Variants in FRMD3 observed in about 807,000 individuals in gnomAD.
FRMD3 encodes FERM domain-containing protein 3.
A neutral mutation model predicts 70.2 loss-of-function variants in FRMD3; 33 were observed. The ratio of observed to expected loss-of-function variants is 0.47; its 90% CI spans 0.36 to 0.63. The LOEUF (loss-of-function observed/expected upper bound fraction) is 0.63, where lower values mean the gene tolerates loss of function less well. Ranked by LOEUF, FRMD3 falls within the 20% of genes least tolerant of loss-of-function variation. FRMD3 has a pLI of 0.00. For synonymous variants in FRMD3, 279 were observed against 255.9 expected (o/e 1.09, Z -0.86); for missense variants, 632 against 711.4 (o/e 0.89, Z 1.27).
intron 3 of FRMD3, among the ~76,000 whole-genome samples, chr9:83,355,102 A>T (rs1564031169): frequency 6.6e-6 from 1 of 152,128 alleles, no homozygotes; most frequent in Non-Finnish European, 1.5e-5. Context: ...TCCCTGGGAC[A>T]TGTCCAAGGT....
chr9:83,363,843 T>C (rs74543647), intron 3 of FRMD3, among the ~76,000 whole-genome samples: 14,601 of 152,200 alleles, frequency 0.096, 743 homozygotes, highest in East Asian at 0.17. Context: ...CGTGAGTCAC[T>C]GCGCCCGGCT....
At chr9:83,402,475 C>A (rs911073406) in intron 1 of FRMD3, among the ~76,000 whole-genome samples, 5 of 151,660 alleles carry the variant, frequency 3.3e-5, no homozygotes, top group African/African-American at 1.2e-4. Flanking sequence ...GCAGCCTAAC[C>A]AAGAGTGGAT....
chr9:83,401,641 CTT>C (rs901031998), intron 1 of FRMD3, among the ~76,000 whole-genome samples: 2 of 152,162 alleles, frequency 1.3e-5, no homozygotes, highest in African/African-American at 4.8e-5. Context: ...CTCCTAATCT[CTT>C]TGAGATGTGA....
At chr9:83,401,058 ACAAG>A (rs1316144787) in intron 1 of FRMD3, among the ~76,000 whole-genome samples, 1 of 152,182 alleles carries the variant, frequency 6.6e-6, no homozygotes. Context: ...TTCCTAATTA[ACAAG>A]CATTCACTTA....
At chr9:83,407,864 T>TC (rs1826159775) in intron 1 of FRMD3, among the ~76,000 whole-genome samples, 2 of 124,688 alleles carry the variant, frequency 1.6e-5, no homozygotes, top group African/African-American at 8.6e-5. Flanking sequence ...TCTCTCTCTC[T>TC]CTCTCTCTCA....
chr9:83,274,472 AGAG>A (rs1299358765), intron 13 of FRMD3, among the ~76,000 whole-genome samples: 1 of 152,256 alleles, frequency 6.6e-6, no homozygotes, highest in East Asian at 1.9e-4. Flanking sequence ...AATATGTCAT[AGAG>A]GAGGAGCCAC....
At chr9:83,499,959 G>A (rs1040225390) in intron 1 of FRMD3, among the ~76,000 whole-genome samples, 1 of 152,146 alleles carries the variant, frequency 6.6e-6, no homozygotes, top group Non-Finnish European at 1.5e-5. Context: ...AGACCTGGAG[G>A]AACCTTAAAT....
intron 1 of FRMD3, among the ~76,000 whole-genome samples, chr9:83,529,496 G>A (rs1829751429): frequency 6.6e-6 from 1 of 152,168 alleles, no homozygotes. Flanking sequence ...TGCAAACTAT[G>A]TATCAATTTT....
intron 1 of FRMD3, among the ~76,000 whole-genome samples, chr9:83,406,750 C>T (rs1014826435): frequency 6.6e-6 from 1 of 152,192 alleles, no homozygotes; most frequent in Admixed American, 6.5e-5. Context: ...TAGCCAGCAT[C>T]GGTGAGGACA....
At chr9:83,576,687 T>C in the FRMD3 span, among the ~76,000 whole-genome samples, 2 of 152,106 alleles carry the variant, frequency 1.3e-5, no homozygotes, top group African/African-American at 4.8e-5. Context: ...CCATGATCAA[T>C]AATAAGATAA....
intron 1 of FRMD3, among the ~76,000 whole-genome samples, chr9:83,393,034 A>G (rs900099864): frequency 1.3e-5 from 2 of 152,258 alleles, no homozygotes; most frequent in Non-Finnish European, 2.9e-5. Context: ...ATGCGTGAGC[A>G]GGGTCTAATA....
At chr9:83,378,459 T>A (rs1485786168) in intron 2 of FRMD3, among the ~76,000 whole-genome samples, 1 of 91,248 alleles carries the variant, frequency 1.1e-5, no homozygotes, top group African/African-American at 3.7e-5. Flanking sequence ...TATATATATA[T>A]AATATACATA....
At chr9:83,534,621 G>A (rs1829853989) in intron 1 of FRMD3, among the ~76,000 whole-genome samples, 1 of 152,174 alleles carries the variant, frequency 6.6e-6, no homozygotes, top group South Asian at 2.1e-4. Context: ...TTCTCCCTTA[G>A]TTTCTGGCTT....
intron 3 of FRMD3, among the ~76,000 whole-genome samples, chr9:83,369,468 C>A (rs1483061900): frequency 6.6e-6 from 1 of 151,752 alleles, no homozygotes; most frequent in Non-Finnish European, 1.5e-5. Context: ...CCCAGCTACT[C>A]AGGGAGGCTG....
rs1832197368 is a variant in FRMD3, at chr9:83,248,035, T to C, written c.1677A>G (p.Leu559=). ...LLESGIDLSF[L]CEIRQTPEFE... ...ACTCTGGTGTCTGGCGGATTTCGCATAAGAAGGAGAGATCAATACCTGACT... is the reference window on the plus strand; with the variant it reads ...ACTCTGGTGTCTGGCGGATTTCGCACAAGAAGGAGAGATCAATACCTGACT... The change falls in exon 14 of 14, where the codon TTA becomes TTG. Residue 559 remains leucine (L), a synonymous_variant. Coordinates refer to ENST00000304195, the MANE Select transcript of FRMD3 (RefSeq NM_174938.6). 1.9e-6 allele frequency: 3 copies of C among 1,613,948 alleles called. No individual in the cohort carries two copies. The highest frequency in any genetic ancestry group is 1.3e-5 in the African/African-American group (1 of 74,866).
At chr9:83,341,570 T>C (rs1823758862) in intron 5 of FRMD3, among the ~76,000 whole-genome samples, 1 of 152,040 alleles carries the variant, frequency 6.6e-6, no homozygotes, top group South Asian at 2.1e-4. Context: ...GCCTTCACCA[T>C]GGAGGAAGGG....
intron 1 of FRMD3, among the ~76,000 whole-genome samples, chr9:83,430,028 T>G (rs146353280): frequency 6.6e-6 from 1 of 152,230 alleles, no homozygotes; most frequent in African/African-American, 2.4e-5. Flanking sequence ...CATCATGAAC[T>G]CCTTTGTTCC....
At chr9:83,488,115 T>C (rs1289352589) in intron 1 of FRMD3, among the ~76,000 whole-genome samples, 1 of 152,106 alleles carries the variant, frequency 6.6e-6, no homozygotes, top group Non-Finnish European at 1.5e-5. Context: ...ACATATATAC[T>C]CCTTTGGCCT....
At chr9:83,416,739 C>CTCTCTG (rs1826453764) in intron 1 of FRMD3, among the ~76,000 whole-genome samples, 4 of 131,780 alleles carry the variant, frequency 3.0e-5, no homozygotes, top group African/African-American at 9.2e-5. Flanking sequence ...TAAAACATTT[C>CTCTCTG]TCTCTGTCTC....
Sources: gnomAD v4.1 joint callset for allele counts (sites outside exome capture counted in the v4.1 genomes callset) on GRCh38, gnomAD v4.1.1 for gene constraint, MANE v1.5 for transcripts, NCBI Gene and HGNC (gene_info 2026-07-23, HGNC 2026-07-21) for gene names.